TBL1XR1: variants seen among roughly 807,000 people sequenced by gnomAD.
TBL1XR1 encodes TBL1X/Y related 1.
Under a neutral mutation model 66.9 loss-of-function variants are expected in TBL1XR1, and 5 were observed. The ratio of observed to expected loss-of-function variants is 0.07; its 90% CI spans 0.04 to 0.16. The LOEUF (loss-of-function observed/expected upper bound fraction) is 0.16, where lower values mean the gene tolerates loss of function less well. Ranked by LOEUF, TBL1XR1 falls within the 10% of genes least tolerant of loss-of-function variation. The pLI is 1.00. For missense variants in TBL1XR1, 238 were observed against 623.2 expected, an observed-to-expected ratio of 0.38 and a Z score of 6.58; for synonymous variants, 210 against 206.0, an observed-to-expected ratio of 1.02 and a Z score of -0.17.
chr3:177,065,115 G>A (rs1718985561), intron 2 of TBL1XR1, 93 bp from the exon 3 acceptor site: 3 of 836,462 alleles, frequency 3.6e-6, no homozygotes, highest in Admixed American at 4.2e-5. Context: ...TTTATTAAAT[G>A]ATGTAAAACG....
chr3:177,143,236 A>T (rs1729834866), intron 1 of TBL1XR1, among the ~76,000 whole-genome samples: 1 of 152,206 alleles, frequency 6.6e-6, no homozygotes, highest in South Asian at 2.1e-4. Context: ...TGATCAGCTG[A>T]CAAAAATGTT....
At chr3:177,111,867 C>T (rs1210176877) in intron 1 of TBL1XR1, among the ~76,000 whole-genome samples, 1 of 151,408 alleles carries the variant, frequency 6.6e-6, no homozygotes, top group Non-Finnish European at 1.5e-5. Flanking sequence ...CCTGGGTCCT[C>T]ATCCCAACTC....
chr3:177,104,396 C>T (rs138747883), intron 1 of TBL1XR1, among the ~76,000 whole-genome samples: 9 of 152,312 alleles, frequency 5.9e-5, no homozygotes, highest in African/African-American at 2.2e-4. Context: ...TCTCCAACAA[C>T]ATACTACGCA....
At chr3:177,129,436 C>T (rs558034180) in intron 1 of TBL1XR1, among the ~76,000 whole-genome samples, 1 of 152,238 alleles carries the variant, frequency 6.6e-6, no homozygotes, top group East Asian at 1.9e-4. Context: ...ACTTCTGATA[C>T]GATTTGGATG....
At chr3:177,057,589 T>C (rs547446650) in intron 3 of TBL1XR1, among the ~76,000 whole-genome samples, 1 of 152,354 alleles carries the variant, frequency 6.6e-6, no homozygotes, top group Non-Finnish European at 1.5e-5. Flanking sequence ...GAACTAGTTT[T>C]GTGCCAGAAG....
At chr3:177,049,948 G>A (rs1716834258) in intron 7 of TBL1XR1, 49 bp downstream of exon 7, 6 of 1,592,966 alleles carry the variant, frequency 3.8e-6, no homozygotes, top group South Asian at 1.1e-5. Flanking sequence ...AGGCTCTGAG[G>A]GTTAGGTATA....
At chr3:177,086,674 A>G (rs1173243086) in intron 2 of TBL1XR1, among the ~76,000 whole-genome samples, 2 of 152,110 alleles carry the variant, frequency 1.3e-5, no homozygotes, top group Admixed American at 6.6e-5. Flanking sequence ...ACAACTTTAC[A>G]TGGTTATAAC....
intron 1 of TBL1XR1, among the ~76,000 whole-genome samples, chr3:177,100,185 G>A (rs1724020096): frequency 6.6e-6 from 1 of 152,220 alleles, no homozygotes; most frequent in Non-Finnish European, 1.5e-5. Flanking sequence ...GTTGCAGTGA[G>A]CTGAGATGGC....
chr3:177,131,914 A>T (rs1045688620), intron 1 of TBL1XR1, among the ~76,000 whole-genome samples: 3 of 152,112 alleles, frequency 2.0e-5, no homozygotes, highest in Non-Finnish European at 2.9e-5. Context: ...TTTAAAAAAA[A>T]AAAAAAAAAA....
At chr3:177,110,564 T>C (rs1725428993) in intron 1 of TBL1XR1, among the ~76,000 whole-genome samples, 1 of 151,758 alleles carries the variant, frequency 6.6e-6, no homozygotes, top group South Asian at 2.1e-4. Flanking sequence ...AAAGGATAAA[T>C]GTCTGTGAAA....
At chr3:177,066,486 A>G (rs1719181421) in intron 2 of TBL1XR1, among the ~76,000 whole-genome samples, 1 of 152,186 alleles carries the variant, frequency 6.6e-6, no homozygotes, top group Admixed American at 6.5e-5. Context: ...ATGAGTGAGG[A>G]CAGAGACGAG....
chr3:177,181,846 T>C (rs2108971456), intron 1 of TBL1XR1, among the ~76,000 whole-genome samples: 1 of 146,244 alleles, frequency 6.8e-6, no homozygotes, highest in South Asian at 2.1e-4. Context: ...AACACACACA[T>C]GATGAAGGGT....
intron 1 of TBL1XR1, among the ~76,000 whole-genome samples, chr3:177,116,885 T>A (rs1726372538): frequency 6.6e-6 from 1 of 152,212 alleles, no homozygotes; most frequent in East Asian, 1.9e-4. Flanking sequence ...TGGGAAACAC[T>A]GAACTGTCCT....
chr3:177,065,593 G>A (rs1719050946), intron 2 of TBL1XR1, among the ~76,000 whole-genome samples: 1 of 152,160 alleles, frequency 6.6e-6, no homozygotes, highest in African/African-American at 2.4e-5. Context: ...AAACTCAAAT[G>A]ATGCTTTCTT....
At chr3:177,140,621 C>G (rs1160211749) in intron 1 of TBL1XR1, among the ~76,000 whole-genome samples, 2 of 152,148 alleles carry the variant, frequency 1.3e-5, no homozygotes, top group African/African-American at 2.4e-5. Flanking sequence ...GAAACAGTGG[C>G]AGCTGAGTAT....
intron 3 of TBL1XR1, among the ~76,000 whole-genome samples, chr3:177,063,113 T>C (rs896418210): frequency 3.3e-5 from 5 of 151,798 alleles, no homozygotes; most frequent in Non-Finnish European, 5.9e-5. Flanking sequence ...CAAAACTCCG[T>C]CTCAAAAAAC....
intron 12 of TBL1XR1, among the ~76,000 whole-genome samples, chr3:177,037,057 G>A (rs553979153): frequency 3.9e-5 from 6 of 152,306 alleles, no homozygotes; most frequent in Middle Eastern, 3.4e-3. Context: ...GAAAAACAGA[G>A]ATCCATGTTG....
intron 1 of TBL1XR1, among the ~76,000 whole-genome samples, chr3:177,189,369 T>C (rs1298378355): frequency 6.6e-6 from 1 of 151,834 alleles, no homozygotes; most frequent in African/African-American, 2.4e-5. Flanking sequence ...ATACAAAAAT[T>C]AGCTGGGCGT....
At chr3:177,194,612 C>T (rs1294828667) in intron 1 of TBL1XR1, among the ~76,000 whole-genome samples, 4 of 152,140 alleles carry the variant, frequency 2.6e-5, no homozygotes, top group Non-Finnish European at 5.9e-5. Flanking sequence ...ATATATACTG[C>T]ACTGATAGAT....
Sources: allele counts gnomAD v4.1 joint callset (sites outside exome capture counted in the v4.1 genomes callset), GRCh38; gene constraint gnomAD v4.1.1; transcripts MANE v1.5; gene names NCBI Gene and HGNC (gene_info 2026-07-23, HGNC 2026-07-21).